TAF4B: variants seen among roughly 807,000 people sequenced by gnomAD.
The protein encoded by TAF4B is transcription initiation factor TFIID subunit 4B.
Under a neutral mutation model 86.4 loss-of-function variants are expected in TAF4B, and 38 were observed. The ratio of observed to expected loss-of-function variants is 0.44; its 90% CI spans 0.34 to 0.58. TAF4B has a LOEUF of 0.58. TAF4B is among the 20% of genes least tolerant of loss of function. The probability of loss-of-function intolerance (pLI) is 0.02; values close to 1 mark genes in which losing one functional copy is unlikely to be tolerated. For missense variants in TAF4B, 988 were observed against 1,027.6 expected (o/e 0.96, Z 0.53); for synonymous variants, 388 against 391.2 (o/e 0.99, Z 0.10).
Position 26,298,954 on chromosome 18 carries a change from C to T in TAF4B, c.1832+5423C>T, listed in dbSNP as rs146676491. 2.1e-3 allele frequency among the ~76,000 whole-genome samples: 299 copies of T among 140,382 alleles called. 1 individual carries two copies. Among genetic ancestry groups the T allele is most frequent in the African/African-American group, 7.6e-3 (288 of 37,922 alleles). The allele number at this position is 140,382 out of a possible 152,430, so 92.1% of individuals were successfully genotyped here. On this transcript the variant is annotated intron_variant, in intron 9 of 14. Coordinates refer to ENST00000269142, the MANE Select transcript of TAF4B (RefSeq NM_005640.3). ...TCAGCTCACCGCAACCTCTGCCTCC[C>T]GGGTTCAAGTGATTCTCCTGCCTCA...
Position 26,285,917 on chromosome 18 carries a change from C to T in TAF4B, c.1008C>T (p.Asn336=). Residue 336 remains asparagine (N), a synonymous_variant, in exon 7 of 15, where the codon AAC becomes AAT. Transcript: ENST00000269142. Reference sequence around the variant, plus strand: ...TTGCCTTACGACAACTTCTGCCTAACTCCCAGAGCTTCATCCAGCAATGTG... The same window carrying T: ...TTGCCTTACGACAACTTCTGCCTAATTCCCAGAGCTTCATCCAGCAATGTG... ...SVVALRQLLP[N]SQSFIQQCVQ... 1 of 1,613,020 alleles carries T rather than the reference C, an allele frequency of 6.2e-7. No homozygotes were observed. The highest frequency in any genetic ancestry group is 1.1e-5 in the South Asian group (1 of 90,782).
chr18:26,290,582 G>A (rs2056579552), intron 7 of TAF4B, among the ~76,000 whole-genome samples: 4 of 152,138 alleles, frequency 2.6e-5, no homozygotes, highest in Admixed American at 2.6e-4. Flanking sequence ...GCAAGGTTGT[G>A]GTTTTGGTGG....
At chr18:26,249,396 G>A (rs913672080) in intron 1 of TAF4B, among the ~76,000 whole-genome samples, 7 of 151,738 alleles carry the variant, frequency 4.6e-5, no homozygotes, top group Non-Finnish European at 8.8e-5. Context: ...CTTGAGAATC[G>A]CTTGAACCCA....
intron 1 of TAF4B, among the ~76,000 whole-genome samples, chr18:26,228,671 G>A (rs893716991): frequency 1.3e-5 from 2 of 150,398 alleles, no homozygotes; most frequent in African/African-American, 2.4e-5. Flanking sequence ...GCTAAGGCAC[G>A]AGAATCGCTT....
At chr18:26,350,459 G>A (rs2057235717) in intron 13 of TAF4B, among the ~76,000 whole-genome samples, 1 of 152,104 alleles carries the variant, frequency 6.6e-6, no homozygotes, top group African/African-American at 2.4e-5. Flanking sequence ...ATCACTTGGG[G>A]CCAGGAATTT....
chr18:26,282,900 G>A (rs2056467595), intron 6 of TAF4B, among the ~76,000 whole-genome samples: 1 of 152,162 alleles, frequency 6.6e-6, no homozygotes, highest in African/African-American at 2.4e-5. Context: ...CAAGAAACCA[G>A]TTTCTTTGCT....
intron 6 of TAF4B, among the ~76,000 whole-genome samples, chr18:26,285,210 C>CTTTTTTTTTTTTTTT (rs113394710): frequency 3.1e-4 from 13 of 42,518 alleles, no homozygotes; most frequent in Non-Finnish European, 4.0e-4. Context: ...TCTTCCTTTC[C>CTTTTTTTTTTTTTTT]TTTTTTTTTT....
chr18:26,318,327 C>G (rs560500949), intron 10 of TAF4B, among the ~76,000 whole-genome samples: 1 of 151,448 alleles, frequency 6.6e-6, no homozygotes, highest in African/African-American at 2.4e-5. Flanking sequence ...TGGAAAACTT[C>G]AAGAATTCTT....
intron 1 of TAF4B, among the ~76,000 whole-genome samples, chr18:26,254,036 C>T (rs896823317): frequency 2.0e-5 from 3 of 152,008 alleles, no homozygotes; most frequent in Non-Finnish European, 4.4e-5. Context: ...AGCGATTCTT[C>T]TGCCTCAGCC....
At chr18:26,376,554 T>C (rs2057444550) in intron 14 of TAF4B, among the ~76,000 whole-genome samples, 1 of 152,144 alleles carries the variant, frequency 6.6e-6, no homozygotes, top group South Asian at 2.1e-4. Flanking sequence ...TTGCTGAACT[T>C]GTTTATTAGT....
rs574349969 is a variant in TAF4B, at chr18:26,230,544, G to A, written c.343+3268G>A. The stretch of plus-strand genomic sequence containing the variant: ...TTGATTTTCAGACTGTAGAGTTGGC[G>A]TAAAGTGATAGTGGCCATGGCATTA... On this transcript the variant is annotated intron_variant, in intron 1 of 14. Transcript: ENST00000269142. Among the ~76,000 whole-genome samples, 16 of 152,268 alleles carry A rather than the reference G, an allele frequency of 1.1e-4. No individual in the cohort carries two copies. In the South Asian group the frequency reaches 1.2e-3, roughly 12 times the overall value.
intron 6 of TAF4B, among the ~76,000 whole-genome samples, chr18:26,285,210 C>CTTTTTT (rs113394710): frequency 7.3e-4 from 31 of 42,450 alleles, no homozygotes; most frequent in Non-Finnish European, 1.1e-3. Flanking sequence ...TCTTCCTTTC[C>CTTTTTT]TTTTTTTTTT....
chr18:26,231,458 T>G (rs1194457023), intron 1 of TAF4B, among the ~76,000 whole-genome samples: 1 of 149,924 alleles, frequency 6.7e-6, no homozygotes, highest in Non-Finnish European at 1.5e-5. Flanking sequence ...GTTCAAGCAA[T>G]TCTCATGTCT....
At chr18:26,247,474 T>A (rs2055943919) in intron 1 of TAF4B, among the ~76,000 whole-genome samples, 1 of 152,172 alleles carries the variant, frequency 6.6e-6, no homozygotes. Context: ...CCCTATTTTT[T>A]AAATTAAAAA....
chr18:26,321,631 T>C (rs2056963852), intron 11 of TAF4B, among the ~76,000 whole-genome samples: 1 of 152,002 alleles, frequency 6.6e-6, no homozygotes, highest in South Asian at 2.1e-4. Flanking sequence ...ATTTAAGGTA[T>C]ACAACGTGTT....
At chr18:26,236,675 C>T (rs1433944232) in intron 1 of TAF4B, among the ~76,000 whole-genome samples, 2 of 152,172 alleles carry the variant, frequency 1.3e-5, no homozygotes, top group African/African-American at 4.8e-5. Context: ...CATTTTCTGT[C>T]CTCTCTGAAC....
At chr18:26,346,817 G>GTGTGTGTATATATATATATT (rs2057192711) in intron 13 of TAF4B, among the ~76,000 whole-genome samples, 1 of 11,646 alleles carries the variant, frequency 8.6e-5, no homozygotes, top group African/African-American at 1.7e-4. Context: ...ATATATATAT[G>GTGTGTGTATATATATATATT]TGTGTGTATA....
At chr18:26,248,096 G>C (rs2144490699) in intron 1 of TAF4B, among the ~76,000 whole-genome samples, 1 of 65,652 alleles carries the variant, frequency 1.5e-5, no homozygotes, top group Non-Finnish European at 3.0e-5. Flanking sequence ...GGCTGGCCTT[G>C]AACTCCTGGG....
chr18:26,236,432 T>G (rs1285754028), intron 1 of TAF4B, among the ~76,000 whole-genome samples: 3 of 152,156 alleles, frequency 2.0e-5, no homozygotes, highest in Non-Finnish European at 4.4e-5. Flanking sequence ...TCAGTGAGGA[T>G]GATGACATGA....
Sources: allele counts gnomAD v4.1 joint callset (sites outside exome capture counted in the v4.1 genomes callset), GRCh38; gene constraint gnomAD v4.1.1; transcripts MANE v1.5; gene names NCBI Gene and HGNC (gene_info 2026-07-23, HGNC 2026-07-21).